The following RBFOX1 variants were observed in gnomAD, a reference collection of about 807,000 sequenced individuals.
RBFOX1 encodes RNA binding fox-1 homolog 1, also known as RNA binding protein fox-1 homolog 1.
In RBFOX1, 8 loss-of-function variants were observed where a neutral mutation model predicts 57.7. The ratio of observed to expected loss-of-function variants is 0.14; its 90% CI spans 0.08 to 0.25. The LOEUF is 0.25. Among genes scored for constraint, RBFOX1 ranks in the 10% least tolerant of loss-of-function variants. The pLI, the probability that RBFOX1 is intolerant of heterozygous loss-of-function variation, is 1.00. For missense variants in RBFOX1, 611 were observed against 548.5 expected, an observed-to-expected ratio of 1.11 and a Z score of -1.14; for synonymous variants, 326 against 222.4, an observed-to-expected ratio of 1.47 and a Z score of -4.15.
At chr16:7,393,528 G>T (rs74012542) in intron 4 of RBFOX1, among the ~76,000 whole-genome samples, 12,323 of 152,146 alleles carry the variant, frequency 0.081, 539 homozygotes, top group East Asian at 0.2. Flanking sequence ...GCCTGAGATG[G>T]GTGCAAGTGG....
chr16:5,858,314 A>G (rs2057122911), intron 3 of RBFOX1, among the ~76,000 whole-genome samples: 1 of 152,174 alleles, frequency 6.6e-6, no homozygotes, highest in Non-Finnish European at 1.5e-5. Flanking sequence ...TAAGCTTCAG[A>G]TAATGTTTGC....
chr16:5,954,124 G>C (rs1288352048), intron 4 of RBFOX1, among the ~76,000 whole-genome samples: 2 of 152,212 alleles, frequency 1.3e-5, no homozygotes, highest in Non-Finnish European at 2.9e-5. Context: ...CCAAACGTCA[G>C]TGGTGCTGAG....
chr16:7,695,090 C>G (rs920840470), intron 14 of RBFOX1, among the ~76,000 whole-genome samples: 3 of 152,182 alleles, frequency 2.0e-5, no homozygotes, highest in African/African-American at 4.8e-5. Flanking sequence ...TCTACCTAAT[C>G]TAGATGGCTG....
chr16:5,404,565 C>T (rs965571882), intron 1 of RBFOX1, among the ~76,000 whole-genome samples: 19 of 152,184 alleles, frequency 1.2e-4, no homozygotes, highest in South Asian at 4.2e-4. Flanking sequence ...GCTGTATCTT[C>T]AGAGCTGGTT....
At chr16:7,469,501 A>G (rs929758904) in intron 4 of RBFOX1, among the ~76,000 whole-genome samples, 1 of 152,084 alleles carries the variant, frequency 6.6e-6, no homozygotes. Context: ...CATCCTTCAT[A>G]TCTCAGCTTG....
At chr16:7,279,829 A>T (rs1361810280) in intron 4 of RBFOX1, among the ~76,000 whole-genome samples, 1 of 152,228 alleles carries the variant, frequency 6.6e-6, no homozygotes, top group East Asian at 1.9e-4. Context: ...GAAATGGCCA[A>T]GCTTTCTATC....
intron 1 of RBFOX1, among the ~76,000 whole-genome samples, chr16:5,424,074 T>G (rs1290359811): frequency 3.9e-5 from 6 of 152,120 alleles, no homozygotes; most frequent in African/African-American, 1.4e-4. Context: ...ACCTTCAGAT[T>G]TATGTATTTG....
At chr16:6,221,478 A>G (rs572166035) in intron 1 of RBFOX1, among the ~76,000 whole-genome samples, 12 of 152,226 alleles carry the variant, frequency 7.9e-5, no homozygotes, top group African/African-American at 1.2e-4. Flanking sequence ...CAAAAGCCAC[A>G]TATTTCCAAA....
intron 4 of RBFOX1, among the ~76,000 whole-genome samples, chr16:7,517,361 T>A (rs946694869): frequency 6.6e-6 from 1 of 152,094 alleles, no homozygotes; most frequent in Non-Finnish European, 1.5e-5. Context: ...TAATACTCTG[T>A]GCTCATAAAA....
At chr16:6,258,127 C>A (rs558755884) in intron 1 of RBFOX1, among the ~76,000 whole-genome samples, 1 of 152,212 alleles carries the variant, frequency 6.6e-6, no homozygotes, top group East Asian at 1.9e-4. Context: ...TCTTTTGTAA[C>A]GTTTTATTTA....
intron 4 of RBFOX1, among the ~76,000 whole-genome samples, chr16:7,160,283 G>T (rs1022638276): frequency 1.3e-5 from 2 of 152,016 alleles, no homozygotes; most frequent in Admixed American, 6.6e-5. Context: ...GTCTTTGGCA[G>T]GTTTCAGGCA....
chr16:7,134,732 T>C (rs2071440698), intron 4 of RBFOX1, among the ~76,000 whole-genome samples: 4 of 152,186 alleles, frequency 2.6e-5, no homozygotes, highest in African/African-American at 9.7e-5. Context: ...TTGTAGTTGC[T>C]GTTGCTGCTG....
chr16:6,612,274 C>G (rs1001728703), intron 2 of RBFOX1, among the ~76,000 whole-genome samples: 1 of 152,104 alleles, frequency 6.6e-6, no homozygotes, highest in South Asian at 2.1e-4. Flanking sequence ...TTTGCATGAT[C>G]ACAACACATT....
At chr16:6,892,596 G>C (rs936799569) in intron 3 of RBFOX1, among the ~76,000 whole-genome samples, 1 of 152,120 alleles carries the variant, frequency 6.6e-6, no homozygotes, top group African/African-American at 2.4e-5. Context: ...CTTGAACCTG[G>C]GAAATGGAAG....
intron 3 of RBFOX1, among the ~76,000 whole-genome samples, chr16:6,764,328 C>T (rs2077033107): frequency 1.3e-5 from 2 of 152,144 alleles, no homozygotes; most frequent in Admixed American, 1.3e-4. Context: ...GAAAATGGCC[C>T]ACCCTTTTAA....
rs1298331804 is a variant in RBFOX1, at chr16:7,711,602, TTTC to T, written c.*860_*862del. On this transcript the variant is annotated 3_prime_UTR_variant, in exon 16 of 16. Transcript: ENST00000550418. ...GATAAAAAAGCACTGTTTCTATTTT[TTTC>T]TTTTTTTCCAAAAAAAGAAAGTAAT... 4 of 152,720 alleles carry T rather than the reference TTTC, an allele frequency of 2.6e-5. No individual in the cohort carries two copies. The highest frequency in any genetic ancestry group is 1.3e-4 in the Admixed American group (2 of 15,294). The allele number at this position is 152,720 out of a possible 1,614,324, so 9.5% of individuals were successfully genotyped here. A position where few individuals can be genotyped will look rare whatever the true frequency, so the allele number is the denominator to read the frequency against.
At chr16:5,484,620 A>T (rs28840240) in intron 2 of RBFOX1, among the ~76,000 whole-genome samples, 12 of 152,244 alleles carry the variant, frequency 7.9e-5, no homozygotes, top group East Asian at 7.7e-4. Flanking sequence ...TGTACAAAAA[A>T]TTTTTAAAAT....
intron 2 of RBFOX1, among the ~76,000 whole-genome samples, chr16:5,476,766 C>T (rs960806687): frequency 6.6e-6 from 1 of 152,184 alleles, no homozygotes; most frequent in Non-Finnish European, 1.5e-5. Context: ...TTTGTGCAGA[C>T]CCTGCCTTTA....
intron 4 of RBFOX1, among the ~76,000 whole-genome samples, chr16:7,443,068 C>T (rs528669625): frequency 6.6e-6 from 1 of 152,184 alleles, no homozygotes; most frequent in Non-Finnish European, 1.5e-5. Flanking sequence ...AAACCACAAA[C>T]CTTACCCTTC....
Sources: allele counts gnomAD v4.1 joint callset (sites outside exome capture counted in the v4.1 genomes callset), GRCh38; gene constraint gnomAD v4.1.1; transcripts MANE v1.5; gene names NCBI Gene and HGNC (gene_info 2026-07-23, HGNC 2026-07-21).